The following CFDP1 variants were observed in gnomAD, a reference collection of about 807,000 sequenced individuals.
The protein encoded by CFDP1 is heterochromatin-stabilizing protein CFDP1.
Under a neutral mutation model 40.1 loss-of-function variants are expected in CFDP1, and 31 were observed. That is an observed-to-expected ratio of 0.77 (90% CI 0.58 to 1.04). CFDP1 has a LOEUF of 1.04. Ranked by LOEUF, CFDP1 falls within the 50% of genes least tolerant of loss-of-function variation. The pLI is 0.00. For synonymous variants in CFDP1, 167 were observed against 120.0 expected (o/e 1.39, Z -2.56); for missense variants, 423 against 343.4 (o/e 1.23, Z -1.83).
intron 4 of CFDP1, among the ~76,000 whole-genome samples, chr16:75,399,985 C>G (rs8046000): frequency 0.52 from 78,311 of 150,974 alleles, 21,345 homozygotes; most frequent in Admixed American, 0.64. Flanking sequence ...CCTGTAATCC[C>G]AGCTGCTTGG....
At chr16:75,396,858 C>T (rs775509324) in intron 4 of CFDP1, among the ~76,000 whole-genome samples, 5 of 152,072 alleles carry the variant, frequency 3.3e-5, no homozygotes, top group Non-Finnish European at 5.9e-5. Context: ...CTATTATGGC[C>T]GGCCTCAGTG....
Position 75,412,691 on chromosome 16 carries a change from A to C in CFDP1, c.246T>G (p.Ser82=). The C allele has an allele frequency of 6.2e-7, 1 of 1,614,088 alleles. No homozygotes were observed. The highest frequency in any genetic ancestry group is 8.5e-7 in the Non-Finnish European group (1 of 1,180,028). The part of the protein sequence containing the change: ...EEEEEDANSE[S]EGSSSEEEDD... ...CTTCCTCCTCACTACTGCTTCCCTC[A>C]GATTCTGAATTGGCATCCTCCTCTT... Residue 82 remains serine, a synonymous_variant, in exon 3 of 7, where the codon TCT becomes TCG. Transcript: ENST00000283882.
At chr16:75,301,198 A>G (rs1285193277) in intron 6 of CFDP1, among the ~76,000 whole-genome samples, 1 of 152,196 alleles carries the variant, frequency 6.6e-6, no homozygotes, top group East Asian at 1.9e-4. Context: ...AATAATCACG[A>G]GAGGTATATT....
chr16:75,357,782 C>T (rs577580303), intron 5 of CFDP1, among the ~76,000 whole-genome samples: 2 of 152,288 alleles, frequency 1.3e-5, no homozygotes, highest in African/African-American at 4.8e-5. Flanking sequence ...ATCATTTGTG[C>T]GTTCACTGGA....
At chr16:75,410,617 C>G (rs1337608239) in intron 4 of CFDP1, among the ~76,000 whole-genome samples, 1 of 148,406 alleles carries the variant, frequency 6.7e-6, no homozygotes, top group African/African-American at 2.5e-5. Context: ...ACTAAAACTA[C>G]AAAAAAAAAG....
At chr16:75,297,370 C>G (rs1022057737) in intron 6 of CFDP1, among the ~76,000 whole-genome samples, 3 of 152,110 alleles carry the variant, frequency 2.0e-5, no homozygotes, top group Admixed American at 1.3e-4. Flanking sequence ...ACCTCAAAAC[C>G]CAGGGCAACC....
At chr16:75,307,274 T>C (rs2078265232) in intron 5 of CFDP1, among the ~76,000 whole-genome samples, 1 of 152,048 alleles carries the variant, frequency 6.6e-6, no homozygotes, top group Admixed American at 6.6e-5. Flanking sequence ...GGAGTGCAGA[T>C]GCGTGATCTC....
chr16:75,421,213 C>G (rs2079276497), intron 1 of CFDP1, among the ~76,000 whole-genome samples: 1 of 152,176 alleles, frequency 6.6e-6, no homozygotes, highest in Non-Finnish European at 1.5e-5. Context: ...GGAAGCACAG[C>G]AGCAGGAACT....
At chr16:75,411,499 G>A (rs144375351) in intron 4 of CFDP1, among the ~76,000 whole-genome samples, 6 of 152,274 alleles carry the variant, frequency 3.9e-5, no homozygotes, top group African/African-American at 1.4e-4. Context: ...GGCTCATATT[G>A]CAGTCAAGGA....
chr16:75,370,025 C>T (rs750509870), intron 5 of CFDP1, among the ~76,000 whole-genome samples: 2 of 151,764 alleles, frequency 1.3e-5, no homozygotes, highest in Non-Finnish European at 2.9e-5. Context: ...CTGCCCACCT[C>T]GGCTCTCAAA....
At chr16:75,384,976 T>C (rs1022454089) in intron 5 of CFDP1, among the ~76,000 whole-genome samples, 2 of 146,938 alleles carry the variant, frequency 1.4e-5, no homozygotes, top group Non-Finnish European at 3.0e-5. Context: ...ATGTATACAA[T>C]ATATATGTAT....
chr16:75,378,351 T>A (rs948289702), intron 5 of CFDP1, among the ~76,000 whole-genome samples: 1 of 151,956 alleles, frequency 6.6e-6, no homozygotes, highest in African/African-American at 2.4e-5. Flanking sequence ...TAACAGACAT[T>A]TACAGTCTGT....
intron 5 of CFDP1, among the ~76,000 whole-genome samples, chr16:75,384,487 C>A (rs947721788): frequency 2.0e-5 from 3 of 152,132 alleles, no homozygotes; most frequent in African/African-American, 4.8e-5. Context: ...TGTATGGAAA[C>A]TGGTCTTCTC....
chr16:75,300,483 C>T (rs1182566177), intron 6 of CFDP1, among the ~76,000 whole-genome samples: 2 of 152,138 alleles, frequency 1.3e-5, no homozygotes, highest in Non-Finnish European at 2.9e-5. Flanking sequence ...GATGGGGTTT[C>T]ACCATGTGGG....
intron 5 of CFDP1, among the ~76,000 whole-genome samples, chr16:75,355,377 C>T (rs1050912374): frequency 1.3e-5 from 2 of 152,230 alleles, no homozygotes; most frequent in African/African-American, 2.4e-5. Context: ...TCAATCCTCT[C>T]AAACCCTGCT....
intron 5 of CFDP1, among the ~76,000 whole-genome samples, chr16:75,325,768 C>T (rs1447657720): frequency 6.6e-6 from 1 of 152,210 alleles, no homozygotes; most frequent in East Asian, 1.9e-4. Flanking sequence ...TGAAGTGATA[C>T]TGATTAAAGT....
chr16:75,348,768 T>C (rs955025477), intron 5 of CFDP1, among the ~76,000 whole-genome samples: 2 of 152,248 alleles, frequency 1.3e-5, no homozygotes, highest in African/African-American at 4.8e-5. Flanking sequence ...TTAATTTCTT[T>C]GAACAGTATT....
chr16:75,372,287 C>T (rs943514230), intron 5 of CFDP1: 4 of 152,156 alleles, frequency 2.6e-5, no homozygotes, highest in Non-Finnish European at 4.4e-5. Flanking sequence ...CTCATCACAT[C>T]TAGTGGTAAC....
intron 5 of CFDP1, among the ~76,000 whole-genome samples, chr16:75,372,770 C>T (rs1006234051): frequency 3.9e-5 from 6 of 152,138 alleles, no homozygotes; most frequent in Admixed American, 3.9e-4. Context: ...ATTGCTGTCA[C>T]TCACAGTTAA....
Sources: allele counts gnomAD v4.1 joint callset (sites outside exome capture counted in the v4.1 genomes callset), GRCh38; gene constraint gnomAD v4.1.1; transcripts MANE v1.5; gene names NCBI Gene and HGNC (gene_info 2026-07-23, HGNC 2026-07-21).